AGAP1: variants seen among roughly 807,000 people sequenced by gnomAD.
The protein encoded by AGAP1 is arf-GAP with GTPase, ANK repeat and PH domain-containing protein 1.
AGAP1 carries 29 observed loss-of-function variants against 105.3 expected under a neutral mutation model. The observed-to-expected ratio is 0.28, with a 90% CI of 0.21 to 0.38. The LOEUF is 0.38. AGAP1 is among the 10% of genes least tolerant of loss of function. AGAP1 has a pLI of 1.00. For synonymous variants in AGAP1, 509 were observed against 485.9 expected, an observed-to-expected ratio of 1.05 and a Z score of -0.63; for missense variants, 998 against 1,165.1, an observed-to-expected ratio of 0.86 and a Z score of 2.09.
intron 12 of AGAP1, among the ~76,000 whole-genome samples, chr2:235,950,265 G>T (rs575597320): frequency 6.6e-6 from 1 of 152,172 alleles, no homozygotes; most frequent in Non-Finnish European, 1.5e-5. Context: ...TGGTGACTCC[G>T]GGTTTCCCTA....
chr2:235,560,436 C>T (rs145164506), intron 1 of AGAP1, among the ~76,000 whole-genome samples: 1 of 152,062 alleles, frequency 6.6e-6, no homozygotes, highest in East Asian at 1.9e-4. Context: ...GTCCCCTAAT[C>T]CCCAGAACTT....
intron 1 of AGAP1, among the ~76,000 whole-genome samples, chr2:235,580,082 TC>T (rs1411119038): frequency 6.6e-6 from 1 of 152,208 alleles, no homozygotes; most frequent in East Asian, 1.9e-4. Context: ...CATTGGTGCC[TC>T]ATTTCTTTCT....
At chr2:236,102,645 G>T (rs2059385653) in intron 16 of AGAP1, among the ~76,000 whole-genome samples, 1 of 151,802 alleles carries the variant, frequency 6.6e-6, no homozygotes, top group African/African-American at 2.4e-5. Flanking sequence ...TAATAAAGGT[G>T]CCTGTGTTAA....
rs77476758 is a variant in AGAP1, at chr2:235,752,509, G to A, written c.673+2021G>A. Among the ~76,000 whole-genome samples, 1,399 of 152,204 alleles carry A rather than the reference G, an allele frequency of 9.2e-3. 25 individuals are homozygous for A. Among genetic ancestry groups the A allele is most frequent in the African/African-American group, 0.032 (1,349 of 41,528 alleles). ...TAGACTTTTCATGACGCAGAGCCAC[G>A]CTTTGTGTCGATGGGCTGCAGCGGG... On this transcript the variant is annotated intron_variant, in intron 6 of 17. Coordinates refer to ENST00000304032, the MANE Select transcript of AGAP1 (RefSeq NM_001037131.3). This position sits in a 1 kb window ranked among gnomAD's most constrained non-coding sequence, Gnocchi z 4.3.
intron 9 of AGAP1, among the ~76,000 whole-genome samples, chr2:235,814,050 G>A (rs910135383): frequency 3.9e-5 from 6 of 152,158 alleles, no homozygotes; most frequent in Non-Finnish European, 7.4e-5. Context: ...TTCTCTCGAC[G>A]CCCAGCCGCC....
chr2:235,808,494 AG>A (rs1466518181), intron 9 of AGAP1, among the ~76,000 whole-genome samples: 1 of 152,158 alleles, frequency 6.6e-6, no homozygotes, highest in East Asian at 1.9e-4. Context: ...TGGGAGAGGA[AG>A]GGGTTAAATA....
At position 235,866,141 on chromosome 2, in the gene AGAP1, T is replaced by C. The variant is rs2049160856; in HGVS notation, c.1051-17204T>C. Among the ~76,000 whole-genome samples the C allele has an allele frequency of 6.6e-6, 1 of 152,244 alleles. No individual in the cohort carries two copies. Among genetic ancestry groups the C allele is most frequent in the Admixed American group, 6.5e-5 (1 of 15,292 alleles). On this transcript the variant is annotated intron_variant, in intron 9 of 17. Coordinates refer to ENST00000304032, the MANE Select transcript of AGAP1 (RefSeq NM_001037131.3). The surrounding 1 kb of genome is among the most constrained non-coding windows in gnomAD (Gnocchi z 6.1). ...GTTTTAGTTAGGCAGCAGCATGCGA[T>C]GCCCTGTGCGCATCTTTATTTTTGG...
rs1951619234 is a variant in AGAP1, at chr2:235,725,886, C to T, written c.310+8242C>T. 6.6e-6 allele frequency among the ~76,000 whole-genome samples: 1 copy of T among 152,008 alleles called. No individual in the cohort carries two copies. The highest frequency in any genetic ancestry group is 1.5e-5 in the Non-Finnish European group (1 of 68,032). On this transcript the variant is annotated intron_variant, in intron 3 of 17. Coordinates refer to ENST00000304032, the MANE Select transcript of AGAP1 (RefSeq NM_001037131.3). This position sits in a 1 kb window ranked among gnomAD's most constrained non-coding sequence, Gnocchi z 5.7. ...TCTAAAAATAGGTAAAGGATGCTAA[C>T]ATTATTATTAGATGTTCAAAAAAAT...
intron 10 of AGAP1, among the ~76,000 whole-genome samples, chr2:235,898,190 G>A (rs2050897400): frequency 1.3e-5 from 2 of 152,236 alleles, no homozygotes; most frequent in African/African-American, 2.4e-5. Context: ...GCACTTGATA[G>A]CATTTTATGG....
Position 235,750,369 on chromosome 2 carries a change from C to T in AGAP1, c.554C>T (p.Ala185Val). 1 of 1,614,202 alleles carries T rather than the reference C, an allele frequency of 6.2e-7. No homozygotes were observed. The highest frequency in any genetic ancestry group is 8.5e-7 in the Non-Finnish European group (1 of 1,180,038). ...LVGTQDAISS[A>V]NPRVIDDARA... Reference sequence around the variant, plus strand: ...TCTGTTCCAGATGCCATAAGTTCTGCTAACCCGAGGGTCATCGATGACGCC... The same window carrying T: ...TCTGTTCCAGATGCCATAAGTTCTGTTAACCCGAGGGTCATCGATGACGCC... The change falls in exon 6 of 18, where the codon GCT becomes GTT. Residue 185 changes from alanine (A) to valine (V), a missense_variant. Transcript: ENST00000304032. This position sits in a 1 kb window ranked among gnomAD's most constrained non-coding sequence, Gnocchi z 5.3.
chr2:236,004,984 C>T (rs1370898873), intron 13 of AGAP1, among the ~76,000 whole-genome samples: 1 of 152,096 alleles, frequency 6.6e-6, no homozygotes, highest in Non-Finnish European at 1.5e-5. Flanking sequence ...AATAATATTC[C>T]TGTTCAAGAT....
rs141316384 is a variant in AGAP1 at position 235,673,191 on chromosome 2, G to A, written c.164-35988G>A. Among the ~76,000 whole-genome samples, 393 of 152,264 alleles carry A rather than the reference G, an allele frequency of 2.6e-3. 3 individuals are homozygous for A. In the Middle Eastern group the frequency reaches 0.037, roughly 14 times the overall value. ...ATGCCAGTGTCTGTTACAGGTAAAA[G>A]GTGTAGCCCCCATAGGTGTCACAAC... On this transcript the variant is annotated intron_variant, in intron 1 of 17. Transcript: ENST00000304032.
chr2:235,854,404 C>T (rs2048599023), intron 9 of AGAP1, among the ~76,000 whole-genome samples: 1 of 152,244 alleles, frequency 6.6e-6, no homozygotes, highest in Non-Finnish European at 1.5e-5. Context: ...ACCTGTGAGG[C>T]CTGTCTCTAG....
chr2:235,746,549 A>T (rs1952969391), intron 5 of AGAP1, among the ~76,000 whole-genome samples: 1 of 151,540 alleles, frequency 6.6e-6, no homozygotes, highest in South Asian at 2.1e-4. Context: ...CACCACCCAA[A>T]AGTCCTTGGT....
intron 1 of AGAP1, among the ~76,000 whole-genome samples, chr2:235,640,681 T>C (rs1947160228): frequency 6.6e-6 from 1 of 152,222 alleles, no homozygotes; most frequent in Non-Finnish European, 1.5e-5. Flanking sequence ...GTCTGTTACC[T>C]ACCACCATTT....
chr2:235,624,351 C>G (rs1394547429), intron 1 of AGAP1, among the ~76,000 whole-genome samples: 1 of 152,182 alleles, frequency 6.6e-6, no homozygotes, highest in Non-Finnish European at 1.5e-5. Context: ...CCATCTGGAT[C>G]TCTTTCCTCC....
Position 236,078,037 on chromosome 2 carries a change from T to TTGTG in AGAP1, c.2114+28790_2114+28793dup, listed in dbSNP as rs9287595. 0.098 allele frequency among the ~76,000 whole-genome samples: 13,709 copies of TTGTG among 140,376 alleles called. 753 individuals are homozygous for TTGTG. The highest frequency in any genetic ancestry group is 0.13 in the African/African-American group (4,968 of 37,704). 92.1% of individuals were successfully genotyped at this position (140,376 alleles called of 152,430 possible). On this transcript the variant is annotated intron_variant, in intron 16 of 17. Coordinates refer to ENST00000304032, the MANE Select transcript of AGAP1 (RefSeq NM_001037131.3). This position sits in a 1 kb window ranked among gnomAD's most constrained non-coding sequence, Gnocchi z 5.3. ...AGGGTTCTCCAGAGAAACAACCAAT[T>TTGTG]TGTGTGTGTGTGTGTGTGTGTGTGT...
rs1009706993 is a variant in AGAP1, at chr2:236,087,320, G to A, written c.2115-32872G>A. On this transcript the variant is annotated intron_variant, in intron 16 of 17. Transcript: ENST00000304032. The surrounding 1 kb of genome is among the most constrained non-coding windows in gnomAD (Gnocchi z 5.7). ...GGAAGCCAGAGCCCGGGGTGGGGGC[G>A]GGAGCGGGGGCTAGCTGTGGGTGTT... is the stretch of plus-strand genomic sequence containing the variant. 2.0e-5 allele frequency among the ~76,000 whole-genome samples: 3 copies of A among 152,078 alleles called. No individual in the cohort carries two copies. The highest frequency in any genetic ancestry group is 2.1e-4 in the South Asian group (1 of 4,834).
chr2:236,040,541 G>A lies in AGAP1; in HGVS notation c.1801-210G>A, dbSNP rs1193056213. On this transcript the variant is annotated intron_variant, in intron 14 of 17. Coordinates refer to ENST00000304032, the MANE Select transcript of AGAP1 (RefSeq NM_001037131.3). This position sits in a 1 kb window ranked among gnomAD's most constrained non-coding sequence, Gnocchi z 5.6. Reference sequence around the variant, plus strand: ...CGTCTCAGCTGATGAGTTAAAATGTGACATTTCCTCCCTCCCCCCGCCCCA... The same window carrying A: ...CGTCTCAGCTGATGAGTTAAAATGTAACATTTCCTCCCTCCCCCCGCCCCA... 7 of 215,224 alleles carry A rather than the reference G, an allele frequency of 3.3e-5. No individual in the cohort carries two copies. Among genetic ancestry groups the A allele is most frequent in the Non-Finnish European group, 5.4e-5 (6 of 111,512 alleles). 13.3% of individuals were successfully genotyped at this position (215,224 alleles called of 1,614,324 possible).
Sources: allele counts gnomAD v4.1 joint callset (sites outside exome capture counted in the v4.1 genomes callset), GRCh38; gene constraint gnomAD v4.1.1; non-coding constraint Gnocchi (gnomAD v3.1); transcripts MANE v1.5; gene names NCBI Gene and HGNC (gene_info 2026-07-23, HGNC 2026-07-21).